The following PADI4 variants were observed in gnomAD, a reference collection of about 807,000 sequenced individuals.
The protein encoded by PADI4 is protein-arginine deiminase type-4.
Under a neutral mutation model 75.0 loss-of-function variants are expected in PADI4, and 62 were observed. That is an observed-to-expected ratio of 0.83 (90% CI 0.67 to 1.02). The LOEUF (loss-of-function observed/expected upper bound fraction) is 1.02, where lower values mean the gene tolerates loss of function less well. Among genes scored for constraint, PADI4 ranks in the 50% least tolerant of loss-of-function variants. The pLI is 0.00. For missense variants in PADI4, 845 were observed against 850.5 expected (o/e 0.99, Z 0.08); for synonymous variants, 361 against 348.1 (o/e 1.04, Z -0.41).
chr1:17,322,494 A>C (rs28814405), intron 1 of PADI4, among the ~76,000 whole-genome samples: 5,067 of 108,216 alleles, frequency 0.047, 91 homozygotes, highest in African/African-American at 0.065. Flanking sequence ...ATCCCCCCCC[A>C]AAAAAAAAGA....
intron 1 of PADI4, among the ~76,000 whole-genome samples, chr1:17,313,051 A>G (rs2073866735): frequency 6.6e-6 from 1 of 151,890 alleles, no homozygotes; most frequent in Non-Finnish European, 1.5e-5. Context: ...TTAGCTGAGC[A>G]TGGTGGCGTG....
intron 15 of PADI4, among the ~76,000 whole-genome samples, chr1:17,362,614 C>T (rs1326748063): frequency 1.3e-5 from 2 of 152,028 alleles, no homozygotes; most frequent in Non-Finnish European, 2.9e-5. Context: ...GTAATGGATA[C>T]ACTAGAAGCC....
intron 2 of PADI4, among the ~76,000 whole-genome samples, chr1:17,331,417 A>G (rs1050409243): frequency 6.6e-6 from 1 of 150,594 alleles, no homozygotes. Context: ...AGACACTGCC[A>G]GGCACTGGGA....
At chr1:17,354,475 G>C (rs925353406) in intron 10 of PADI4, 58 bp from the exon 11 acceptor site, 1 of 1,530,292 alleles carries the variant, frequency 6.5e-7, no homozygotes, top group African/African-American at 1.4e-5. Flanking sequence ...TGGACCCCCC[G>C]ACCCTTCACC....
At chr1:17,313,177 G>A (rs191884810) in intron 1 of PADI4, among the ~76,000 whole-genome samples, 244 of 148,834 alleles carry the variant, frequency 1.6e-3, no homozygotes, top group African/African-American at 5.2e-3. Flanking sequence ...GCGACAGAGC[G>A]AGACTCTGCC....
chr1:17,329,558 A>T (rs531110437), intron 1 of PADI4, among the ~76,000 whole-genome samples: 1 of 152,300 alleles, frequency 6.6e-6, no homozygotes, highest in African/African-American at 2.4e-5. Context: ...GATCATCATA[A>T]GGGTCTTCAG....
intron 10 of PADI4, 109 bp from the exon 11 acceptor site, chr1:17,354,424 G>T (rs770428205): frequency 3.3e-5 from 29 of 888,166 alleles, no homozygotes; most frequent in Non-Finnish European, 4.6e-5. Flanking sequence ...AGCTGTAGAC[G>T]GTACTGAGTT....
Position 17,363,962 on chromosome 1 carries a change from T to G in PADI4, c.*207T>G. 2.1e-6 allele frequency: 1 copy of G among 470,440 alleles called. No homozygotes were observed. 29.1% of individuals were successfully genotyped at this position (470,440 alleles called of 1,614,324 possible). Reference sequence around the variant, plus strand: ...TAGCACTGCACACTCAGTTCTGCTCTAAGAAGCTGCAATAAAGTTTTTTTA... The same window carrying G: ...TAGCACTGCACACTCAGTTCTGCTCGAAGAAGCTGCAATAAAGTTTTTTTA... On this transcript the variant is annotated 3_prime_UTR_variant, in exon 16 of 16. Transcript: ENST00000375448.
intron 5 of PADI4, among the ~76,000 whole-genome samples, chr1:17,339,207 C>A (rs1451280660): frequency 6.6e-6 from 1 of 152,144 alleles, no homozygotes; most frequent in Non-Finnish European, 1.5e-5. Context: ...CCTTGGGAAC[C>A]ATCTCTTCAC....
At chr1:17,319,845 C>G (rs1413063364) in intron 1 of PADI4, among the ~76,000 whole-genome samples, 1 of 152,184 alleles carries the variant, frequency 6.6e-6, no homozygotes, top group Non-Finnish European at 1.5e-5. Flanking sequence ...TCAGCCAAAA[C>G]AGTGCTTGGT....
intron 3 of PADI4, chr1:17,334,861 G>A: frequency 3.6e-6 from 1 of 274,170 alleles, no homozygotes; most frequent in Admixed American, 4.8e-5. Context: ...ATAAGTAGCA[G>A]CCAGACATGG....
At chr1:17,329,514 A>C (rs1036399425) in intron 1 of PADI4, among the ~76,000 whole-genome samples, 4 of 152,168 alleles carry the variant, frequency 2.6e-5, no homozygotes, top group South Asian at 2.1e-4. Context: ...CATAAGGAAG[A>C]GAAAATATAT....
intron 15 of PADI4, among the ~76,000 whole-genome samples, chr1:17,360,405 T>C (rs1417090908): frequency 1.3e-5 from 2 of 152,138 alleles, no homozygotes; most frequent in African/African-American, 2.4e-5. Flanking sequence ...TATGTCCCTA[T>C]CTGGTTGGGT....
At position 17,351,023 on chromosome 1, in the gene PADI4, CAA is replaced by C. The variant is rs35025070; in HGVS notation, c.1155+2990_1155+2991del. On this transcript the variant is annotated intron_variant, in intron 10 of 15. Transcript: ENST00000375448. Reference sequence around the variant, plus strand: ...GCAACATAATGAGACCTTGTCCCTACAAAAAAAAAAAAAAAATTGTTTCAATT... The same window carrying C: ...GCAACATAATGAGACCTTGTCCCTACAAAAAAAAAAAAAATTGTTTCAATT... Among the ~76,000 whole-genome samples, 581 of 84,096 alleles carry C rather than the reference CAA, an allele frequency of 6.9e-3. 46 individuals carry two copies. The highest frequency in any genetic ancestry group is 0.016 in the African/African-American group (438 of 27,884). 55.2% of individuals were successfully genotyped at this position (84,096 alleles called of 152,430 possible).
intron 10 of PADI4, among the ~76,000 whole-genome samples, chr1:17,351,195 C>A: frequency 1.9e-5 from 2 of 105,028 alleles, no homozygotes; most frequent in African/African-American, 3.2e-5. Context: ...AGACCTTGTC[C>A]CAGAGGAAAA....
rs41266005 is a variant in PADI4 at position 17,348,298 on chromosome 1, C to G, written c.1155+250C>G. 1.4e-5 allele frequency: 5 copies of G among 361,918 alleles called. No individual in the cohort carries two copies. The East Asian group carries it at 2.1e-4, about 15-fold the overall frequency. 22.4% of individuals were successfully genotyped at this position (361,918 alleles called of 1,614,324 possible). A position where few individuals can be genotyped will look rare whatever the true frequency, so the allele number is the denominator to read the frequency against. On this transcript the variant is annotated intron_variant, in intron 10 of 15. Transcript: ENST00000375448. ...CAGCTTGATCTCCAGGTAACCCTGCCGAGGAGGTGGCTCAGGCTTGGACCT... is the reference window on the plus strand; with the variant it reads ...CAGCTTGATCTCCAGGTAACCCTGCGGAGGAGGTGGCTCAGGCTTGGACCT...
At chr1:17,337,143 G>A (rs1290069516) in intron 4 of PADI4, among the ~76,000 whole-genome samples, 1 of 100,680 alleles carries the variant, frequency 9.9e-6, no homozygotes, top group Admixed American at 9.8e-5. Flanking sequence ...ATTTATTTAT[G>A]TATTTATGTA....
intron 8 of PADI4, among the ~76,000 whole-genome samples, chr1:17,344,021 G>C (rs569725078): frequency 3.3e-5 from 5 of 152,292 alleles, no homozygotes; most frequent in African/African-American, 1.2e-4. Flanking sequence ...GAAAATGTGG[G>C]AAAGTTTGGA....
In PADI4 at chr1:17,341,900, G is replaced by C. The variant is rs72916895; in HGVS notation, c.653-43G>C. 2,544 of 1,510,520 alleles carry C rather than the reference G, an allele frequency of 1.7e-3. 44 individuals are homozygous for C. The African/African-American group carries it at 0.031, about 18-fold the overall frequency. The allele number at this position is 1,510,520 out of a possible 1,614,324, so 93.6% of individuals were successfully genotyped here. ...CTAAGGAGAGGAGGAAAAGTCTTCA[G>C]AAGTGGGGACGCAGACCTGAGTCTC... On this transcript the variant is annotated intron_variant, in intron 6 of 15. Transcript: ENST00000375448.
Sources: allele counts gnomAD v4.1 joint callset (sites outside exome capture counted in the v4.1 genomes callset), GRCh38; gene constraint gnomAD v4.1.1; transcripts MANE v1.5; gene names NCBI Gene and HGNC (gene_info 2026-07-23, HGNC 2026-07-21).